RARB: variants seen among roughly 807,000 people sequenced by gnomAD.
The protein encoded by RARB is HBV-activated protein.
Under a neutral mutation model 51.9 loss-of-function variants are expected in RARB, and 17 were observed. The observed-to-expected ratio is 0.33, with a 90% CI of 0.22 to 0.49. The LOEUF (loss-of-function observed/expected upper bound fraction) is 0.49, where lower values mean the gene tolerates loss of function less well. Among genes scored for constraint, RARB ranks in the 20% least tolerant of loss-of-function variants. The pLI is 0.99. For missense variants in RARB, 369 were observed against 550.8 expected (o/e 0.67, Z 3.30); for synonymous variants, 215 against 195.4 (o/e 1.10, Z -0.84).
At chr3:25,184,445 T>C (rs1242618998) in intron 5 of RARB, among the ~76,000 whole-genome samples, 1 of 152,096 alleles carries the variant, frequency 6.6e-6, no homozygotes, top group Non-Finnish European at 1.5e-5. Context: ...TGGGAGCTTA[T>C]AGTTAACTCA....
At chr3:25,374,449 C>T (rs1435163332) in intron 5 of RARB, among the ~76,000 whole-genome samples, 1 of 152,046 alleles carries the variant, frequency 6.6e-6, no homozygotes, top group East Asian at 1.9e-4. Context: ...AATAGTAAGG[C>T]TTTATTATCA....
In RARB at chr3:25,017,316, G is replaced by A. The variant is rs138796843; in HGVS notation, c.-379-42809G>A. ...AATAAAATCATCTTTGTGTTTCCAC[G>A]TAGACCCCACATAACCCAGTCTATG... On this transcript the variant is annotated intron_variant, in intron 2 of 11. Coordinates refer to the RARB transcript ENST00000383772. Among the ~76,000 whole-genome samples the A allele has an allele frequency of 5.5e-3, 795 of 144,346 alleles. 6 individuals carry two copies. The highest frequency in any genetic ancestry group is 0.02 in the African/African-American group (753 of 38,010). 94.7% of individuals were successfully genotyped at this position (144,346 alleles called of 152,430 possible).
At chr3:25,483,915 C>G (rs1034108919) in intron 2 of RARB, among the ~76,000 whole-genome samples, 2 of 152,192 alleles carry the variant, frequency 1.3e-5, no homozygotes, top group African/African-American at 2.4e-5. Flanking sequence ...TGGGCACTCA[C>G]AAATATTTGC....
intron 5 of RARB, among the ~76,000 whole-genome samples, chr3:25,221,290 A>C (rs1701942815): frequency 6.7e-6 from 1 of 149,584 alleles, no homozygotes; most frequent in Admixed American, 6.6e-5. Context: ...CGTCTAATTG[A>C]GACAACTCTC....
At chr3:24,912,742 AT>A (rs1357470516) in intron 2 of RARB, among the ~76,000 whole-genome samples, 1 of 152,198 alleles carries the variant, frequency 6.6e-6, no homozygotes, top group Non-Finnish European at 1.5e-5. Context: ...TAAAGTTAGC[AT>A]TCTATGAATG....
chr3:24,908,337 T>A (rs1365968249), intron 2 of RARB, among the ~76,000 whole-genome samples: 6 of 151,408 alleles, frequency 4.0e-5, no homozygotes, highest in African/African-American at 1.5e-4. Context: ...GCCTATTTTT[T>A]AAAAAATATG....
chr3:25,214,415 C>T (rs571754590), intron 5 of RARB, among the ~76,000 whole-genome samples: 3 of 152,302 alleles, frequency 2.0e-5, no homozygotes, highest in African/African-American at 7.2e-5. Context: ...TTCAGCCACA[C>T]ACCGGGAGAC....
intron 3 of RARB, among the ~76,000 whole-genome samples, chr3:25,552,783 A>C (rs1197430856): frequency 6.6e-6 from 1 of 152,158 alleles, no homozygotes; most frequent in Non-Finnish European, 1.5e-5. Context: ...TTTACTACAA[A>C]ATAATCTTGG....
chr3:25,129,153 T>C (rs1308484355), intron 3 of RARB, among the ~76,000 whole-genome samples: 5 of 152,126 alleles, frequency 3.3e-5, no homozygotes, highest in Non-Finnish European at 7.4e-5. Flanking sequence ...TCTTACTGTT[T>C]TATTGGTTGT....
chr3:25,036,747 G>C (rs546123599), intron 2 of RARB, among the ~76,000 whole-genome samples: 9 of 152,042 alleles, frequency 5.9e-5, no homozygotes, highest in African/African-American at 1.9e-4. Context: ...TTAGGATGTC[G>C]AAAAGGCATC....
intron 2 of RARB, among the ~76,000 whole-genome samples, chr3:25,463,297 C>G (rs552958684): frequency 5.3e-5 from 8 of 152,250 alleles, no homozygotes; most frequent in African/African-American, 1.9e-4. Flanking sequence ...CCTATGAACA[C>G]AAAGTGGTTG....
chr3:24,921,744 T>C (rs1695221801), intron 2 of RARB, among the ~76,000 whole-genome samples: 1 of 152,138 alleles, frequency 6.6e-6, no homozygotes, highest in Admixed American at 6.6e-5. Context: ...ACTAAATTTG[T>C]CTGGACCTAG....
intron 5 of RARB, among the ~76,000 whole-genome samples, chr3:25,331,758 C>A (rs1704904004): frequency 6.6e-6 from 1 of 151,970 alleles, no homozygotes; most frequent in Non-Finnish European, 1.5e-5. Context: ...GAAAGATCAA[C>A]AAAACTGATA....
chr3:25,225,726 A>T (rs1702042131), intron 5 of RARB, among the ~76,000 whole-genome samples: 1 of 152,196 alleles, frequency 6.6e-6, no homozygotes, highest in Non-Finnish European at 1.5e-5. Flanking sequence ...ACATATACGC[A>T]CACGTATTTG....
At chr3:25,217,795 C>A (rs572874410) in intron 5 of RARB, among the ~76,000 whole-genome samples, 1 of 152,160 alleles carries the variant, frequency 6.6e-6, no homozygotes, top group Non-Finnish European at 1.5e-5. Flanking sequence ...AGTACAAGTT[C>A]CCTTCCTGTC....
intron 2 of RARB, among the ~76,000 whole-genome samples, chr3:25,469,221 G>A (rs560071636): frequency 1.3e-5 from 2 of 152,306 alleles, no homozygotes; most frequent in African/African-American, 4.8e-5. Flanking sequence ...AAAAAGTTTT[G>A]CAATCAGGAA....
chr3:25,358,063 A>G (rs1705806313), intron 5 of RARB, among the ~76,000 whole-genome samples: 1 of 152,040 alleles, frequency 6.6e-6, no homozygotes, highest in South Asian at 2.1e-4. Context: ...TAGTAGCTTG[A>G]TGGGAATAAC....
At chr3:25,175,677 CTT>C (rs1700729562) in intron 5 of RARB, among the ~76,000 whole-genome samples, 1 of 152,174 alleles carries the variant, frequency 6.6e-6, no homozygotes, top group African/African-American at 2.4e-5. Flanking sequence ...AGATGATAGA[CTT>C]GCACTTTTGG....
chr3:25,234,193 GTTTTC>G (rs1170498203), intron 5 of RARB, among the ~76,000 whole-genome samples: 1 of 152,046 alleles, frequency 6.6e-6, no homozygotes, highest in African/African-American at 2.4e-5. Context: ...TAGGTTTGGA[GTTTTC>G]TTTGTTGAAG....
Sources: gnomAD v4.1 joint callset for allele counts (sites outside exome capture counted in the v4.1 genomes callset) on GRCh38, gnomAD v4.1.1 for gene constraint, MANE v1.5 for transcripts, NCBI Gene and HGNC (gene_info 2026-07-23, HGNC 2026-07-21) for gene names.